GDE1: variants seen among roughly 807,000 people sequenced by gnomAD.
GDE1 encodes RGS16-interacting membrane protein.
In GDE1, 24 loss-of-function variants were observed where a neutral mutation model predicts 32.2. That is an observed-to-expected ratio of 0.75 (90% CI 0.54 to 1.05). The LOEUF is 1.05. GDE1 is among the 50% of genes least tolerant of loss of function. The pLI, the probability that GDE1 is intolerant of heterozygous loss-of-function variation, is 0.00. For missense variants in GDE1, 380 were observed against 415.0 expected (o/e 0.92, Z 0.73); for synonymous variants, 159 against 158.6 (o/e 1.00, Z -0.02).
At chr16:19,513,479 ATTTG>A (rs1567338081) in intron 2 of GDE1, among the ~76,000 whole-genome samples, 1 of 152,134 alleles carries the variant, frequency 6.6e-6, no homozygotes, top group African/African-American at 2.4e-5. Flanking sequence ...ATTTTACTAA[ATTTG>A]TTTATCAGTT....
At chr16:19,508,969 T>C (rs1478130694) in intron 3 of GDE1, among the ~76,000 whole-genome samples, 1 of 152,192 alleles carries the variant, frequency 6.6e-6, no homozygotes, top group Admixed American at 6.5e-5. Flanking sequence ...CTCAAATAGC[T>C]AGATTTTCTT....
intron 2 of GDE1, among the ~76,000 whole-genome samples, chr16:19,512,235 A>AT (rs1245843472): frequency 6.6e-6 from 1 of 152,154 alleles, no homozygotes; most frequent in African/African-American, 2.4e-5. Context: ...AGCATCTGTT[A>AT]TTTTAAAAAT....
chr16:19,521,926 A>G lies in GDE1; in HGVS notation c.39T>C (p.Pro13=). 1 of 1,582,614 alleles carries G rather than the reference A, an allele frequency of 6.3e-7. No individual in the cohort carries two copies. The highest frequency in any genetic ancestry group is 2.3e-5 in the East Asian group (1 of 43,586). Residue 13 remains proline, a synonymous_variant, in exon 1 of 6, where the codon CCT becomes CCC. Coordinates refer to ENST00000353258, the MANE Select transcript of GDE1 (RefSeq NM_016641.4). ...LWEDQGGLLG[P]FSFLLLVLLL... is the part of the protein sequence containing the mutation. ...GCAGCACTAGCAGCAGGAAGGAGAA[A>G]GGGCCCAGGAGGCCGCCCTGGTCCT...
intron 2 of GDE1, among the ~76,000 whole-genome samples, chr16:19,515,063 A>G (rs1969363249): frequency 1.5e-5 from 1 of 64,518 alleles, no homozygotes; most frequent in Non-Finnish European, 3.5e-5. Flanking sequence ...TGAAACTCCA[A>G]CTCAAAAAAA....
intron 2 of GDE1, among the ~76,000 whole-genome samples, chr16:19,512,670 T>C (rs1487785350): frequency 2.6e-5 from 4 of 152,212 alleles, no homozygotes; most frequent in Admixed American, 2.6e-4. Context: ...TGTTTTCTTC[T>C]AGTAGTTTTA....
chr16:19,520,296 G>T (rs544338290), intron 1 of GDE1, among the ~76,000 whole-genome samples: 2 of 152,086 alleles, frequency 1.3e-5, no homozygotes, highest in African/African-American at 4.8e-5. Flanking sequence ...CAGCTACTCG[G>T]GAGGTTGAGG....
At position 19,521,763 on chromosome 16, in the gene GDE1, T is replaced by A. The variant is rs1371182482; in HGVS notation, c.202A>T (p.Ile68Phe). 1 of 1,611,978 alleles carries A rather than the reference T, an allele frequency of 6.2e-7. No homozygotes were observed. The highest frequency in any genetic ancestry group is 1.1e-5 in the South Asian group (1 of 90,752). The change falls in exon 1 of 6, where the codon ATC (isoleucine) becomes TTC (phenylalanine). Residue 68 changes from isoleucine to phenylalanine, a missense_variant. By Grantham distance (21) the Ile-to-Phe change is conservative. Coordinates refer to ENST00000353258, the MANE Select transcript of GDE1 (RefSeq NM_016641.4). The stretch of plus-strand genomic sequence containing the variant: ...TCGTGGCTGCCGCCACGGTGGGCGA[T>A]GGCAGAAATGCGGTCCCGGGGCTTG... ...VLKPRDRISA[I>F]AHRGGSHDAP...
intron 1 of GDE1, 132 bp downstream of exon 1, chr16:19,521,572 G>A (rs1477646444): frequency 2.0e-6 from 2 of 987,394 alleles, no homozygotes; most frequent in Non-Finnish European, 3.0e-6. Context: ...AGCGATCAAG[G>A]GCCGGGAGTG....
Position 19,503,192 on chromosome 16 carries a change from G to T in GDE1, c.*278C>A. ...AATTCAATCTGTGCTTATCCTCACTGGGTCTCCCTGTGTGCCTCAGCTAGG... is the reference window on the plus strand; with the variant it reads ...AATTCAATCTGTGCTTATCCTCACTTGGTCTCCCTGTGTGCCTCAGCTAGG... On this transcript the variant is annotated 3_prime_UTR_variant, in exon 6 of 6. Transcript: ENST00000353258. The T allele has an allele frequency of 2.3e-6, 1 of 440,394 alleles. No individual in the cohort carries two copies. The highest frequency in any genetic ancestry group is 4.1e-6 in the Non-Finnish European group (1 of 241,656). The allele number at this position is 440,394 out of a possible 1,614,324, so 27.3% of individuals were successfully genotyped here.
At chr16:19,505,196 T>C (rs184769837) in intron 4 of GDE1, 104 bp from the exon 5 acceptor site, 1 of 777,264 alleles carries the variant, frequency 1.3e-6, no homozygotes, top group African/African-American at 1.7e-5. Flanking sequence ...TGGTCATGGT[T>C]GGTACCCTGC....
chr16:19,512,993 G>A (rs113449391), intron 2 of GDE1, among the ~76,000 whole-genome samples: 1 of 146,240 alleles, frequency 6.8e-6, no homozygotes, highest in Non-Finnish European at 1.5e-5. Context: ...ATACCATGCT[G>A]TTTTGGTTAC....
intron 4 of GDE1, 96 bp from the exon 5 acceptor site, chr16:19,505,188 G>A: frequency 1.2e-6 from 1 of 823,714 alleles, no homozygotes; most frequent in East Asian, 2.4e-5. Flanking sequence ...AGATGAGGTG[G>A]TCATGGTTGG....
At chr16:19,513,620 G>A (rs1172063254) in intron 2 of GDE1, among the ~76,000 whole-genome samples, 1 of 151,942 alleles carries the variant, frequency 6.6e-6, no homozygotes, top group Non-Finnish European at 1.5e-5. Context: ...TTTCCTGATT[G>A]CTCTGGCTAG....
Position 19,501,811 on chromosome 16 carries a change from A to G in GDE1, c.*1659T>C, listed in dbSNP as rs927377234. 1 of 152,188 alleles carries G rather than the reference A, an allele frequency of 6.6e-6. No homozygotes were observed. Among genetic ancestry groups the G allele is most frequent in the African/African-American group, 2.4e-5 (1 of 41,450 alleles). The allele number at this position is 152,188 out of a possible 1,614,324, so 9.4% of individuals were successfully genotyped here. The stretch of plus-strand genomic sequence containing the variant: ...CATGCCTATGCCAATACAATCTGTC[A>G]CAAAAAAGTTTGCTTCTCATTGTCA... On this transcript the variant is annotated 3_prime_UTR_variant, in exon 6 of 6. Coordinates refer to ENST00000353258, the MANE Select transcript of GDE1 (RefSeq NM_016641.4).
chr16:19,506,053 A>G (rs1409276985), intron 4 of GDE1, among the ~76,000 whole-genome samples: 1 of 152,192 alleles, frequency 6.6e-6, no homozygotes. Context: ...AGCCAAAAAC[A>G]ACAGGAGTCA....
intron 1 of GDE1, among the ~76,000 whole-genome samples, chr16:19,518,729 T>C (rs1193707927): frequency 6.6e-6 from 1 of 152,232 alleles, no homozygotes; most frequent in African/African-American, 2.4e-5. Context: ...TTTCAATAAA[T>C]GTTAGCCATT....
intron 4 of GDE1, 129 bp from the exon 5 acceptor site, chr16:19,505,221 A>C: frequency 3.0e-6 from 2 of 667,034 alleles, no homozygotes; most frequent in Non-Finnish European, 5.4e-6. Flanking sequence ...GTATCTACTA[A>C]ATAAGTTCTC....
At chr16:19,521,542 G>A in intron 1 of GDE1, 162 bp downstream of exon 1, 3 of 709,664 alleles carry the variant, frequency 4.2e-6, no homozygotes, top group Non-Finnish European at 6.9e-6. Context: ...CCTCAAGTCC[G>A]GAGATCCCTA....
intron 5 of GDE1, chr16:19,504,626 G>A (rs1969220742): frequency 2.4e-6 from 1 of 408,286 alleles, no homozygotes; most frequent in Non-Finnish European, 4.4e-6. Flanking sequence ...CCCTTGCTCA[G>A]CATAGTGTCA....
Sources: allele counts gnomAD v4.1 joint callset (sites outside exome capture counted in the v4.1 genomes callset), GRCh38; gene constraint gnomAD v4.1.1; transcripts MANE v1.5; gene names NCBI Gene and HGNC (gene_info 2026-07-23, HGNC 2026-07-21).